Variants in SPACA7 observed in about 807,000 individuals in gnomAD.
SPACA7 encodes sperm acrosome-associated protein 7.
In SPACA7, 19 loss-of-function variants were observed where a neutral mutation model predicts 26.3. The ratio of observed to expected loss-of-function variants is 0.72; its 90% CI spans 0.50 to 1.06. The LOEUF (loss-of-function observed/expected upper bound fraction) is 1.06, where lower values mean the gene tolerates loss of function less well. Ranked by LOEUF, SPACA7 falls within the 50% of genes least tolerant of loss-of-function variation. The pLI is 0.00. For missense variants in SPACA7, 211 were observed against 229.9 expected, an observed-to-expected ratio of 0.92 and a Z score of 0.53; for synonymous variants, 84 against 84.5, an observed-to-expected ratio of 0.99 and a Z score of 0.04.
chr13:112,411,197 G>C (rs886318749), intron 5 of SPACA7, among the ~76,000 whole-genome samples: 11 of 151,088 alleles, frequency 7.3e-5, no homozygotes, highest in African/African-American at 2.7e-4. Flanking sequence ...GGGTATTTAA[G>C]AAAGTTTATA....
intron 5 of SPACA7, among the ~76,000 whole-genome samples, chr13:112,425,230 G>C (rs779937604): frequency 2.0e-5 from 3 of 152,196 alleles, no homozygotes; most frequent in Non-Finnish European, 4.4e-5. Flanking sequence ...CATTGCAATA[G>C]AAACAGATGT....
At chr13:112,422,981 T>C (rs746883101) in intron 5 of SPACA7, among the ~76,000 whole-genome samples, 8 of 152,220 alleles carry the variant, frequency 5.3e-5, no homozygotes, top group Non-Finnish European at 1.2e-4. Context: ...AAGAACAATG[T>C]TAACATTACA....
rs576055859 is a variant in SPACA7 at position 112,413,821 on chromosome 13, C to T, written c.445+12657C>T. The stretch of plus-strand genomic sequence containing the variant: ...TAAGTATTAGTCCCTTTTGTGTTGC[C>T]ATAATGGGATACCTGAGGCTGGGTA... On this transcript the variant is annotated intron_variant, in intron 5 of 6. Transcript: ENST00000283550. Among the ~76,000 whole-genome samples, 10 of 152,146 alleles carry T rather than the reference C, an allele frequency of 6.6e-5. No homozygotes were observed. The South Asian group carries it at 1.9e-3, about 29-fold the overall frequency.
chr13:112,392,891 C>G, intron 1 of SPACA7, 130 bp from the exon 2 acceptor site: 2 of 630,140 alleles, frequency 3.2e-6, no homozygotes, highest in Non-Finnish European at 5.3e-6. Flanking sequence ...GCAGGAGAGA[C>G]TGGAACTTGG....
intron 1 of SPACA7, among the ~76,000 whole-genome samples, chr13:112,389,712 GA>G (rs775130272): frequency 1.3e-5 from 2 of 152,192 alleles, no homozygotes; most frequent in South Asian, 2.1e-4. Flanking sequence ...TGAAAACAGT[GA>G]TTGTATGGCT....
At chr13:112,378,194 G>A (rs887031669) in intron 1 of SPACA7, among the ~76,000 whole-genome samples, 7 of 152,148 alleles carry the variant, frequency 4.6e-5, no homozygotes, top group Non-Finnish European at 8.8e-5. Context: ...ATGTTAGCCT[G>A]GGAACATTGA....
chr13:112,433,878 T>C (rs891627549), intron 6 of SPACA7, among the ~76,000 whole-genome samples: 3 of 152,186 alleles, frequency 2.0e-5, no homozygotes. Context: ...CAGGACAACC[T>C]CTGCTGCTTT....
chr13:112,395,232 G>C (rs1015784927), intron 2 of SPACA7, among the ~76,000 whole-genome samples: 1 of 152,238 alleles, frequency 6.6e-6, no homozygotes. Context: ...GGCGGTGAGG[G>C]GTTGGTGAGG....
chr13:112,394,445 G>A (rs1266896032), intron 2 of SPACA7, among the ~76,000 whole-genome samples: 1 of 151,698 alleles, frequency 6.6e-6, no homozygotes, highest in Non-Finnish European at 1.5e-5. Context: ...CCGTGGGAAC[G>A]CAGGGCCCCC....
chr13:112,420,276 GTTGGAACT>G, intron 5 of SPACA7, among the ~76,000 whole-genome samples: 1 of 150,918 alleles, frequency 6.6e-6, no homozygotes, highest in Non-Finnish European at 1.5e-5. Context: ...TGTCCCAGAT[GTTGGAACT>G]ATCAGACAAT....
At chr13:112,428,339 G>C (rs1159943518) in intron 5 of SPACA7, among the ~76,000 whole-genome samples, 1 of 152,134 alleles carries the variant, frequency 6.6e-6, no homozygotes, top group African/African-American at 2.4e-5. Context: ...CAGCACTTTG[G>C]GAGGCCAAGG....
rs200238850 is a variant in SPACA7 at position 112,432,539 on chromosome 13, G to C, written c.523+18G>C. The C allele has an allele frequency of 2.0e-6, 3 of 1,534,744 alleles. No individual in the cohort carries two copies. Among genetic ancestry groups the C allele is most frequent in the African/African-American group, 2.7e-5 (2 of 73,300 alleles). On this transcript the variant is annotated intron_variant, in intron 6 of 6. Coordinates refer to ENST00000283550, the MANE Select transcript of SPACA7 (RefSeq NM_145248.5). ...ATCTTCAGGTAGATTGGAAATAATA[G>C]ATAAGTGTCTTCTCATTTGGGGATT...
chr13:112,406,773 G>T (rs948327231), intron 5 of SPACA7, among the ~76,000 whole-genome samples: 1 of 152,074 alleles, frequency 6.6e-6, no homozygotes, highest in Non-Finnish European at 1.5e-5. Context: ...AAAATTATGT[G>T]GATTGTGTTA....
chr13:112,415,278 C>T (rs988043816), intron 5 of SPACA7, among the ~76,000 whole-genome samples: 10 of 152,172 alleles, frequency 6.6e-5, no homozygotes, highest in African/African-American at 1.7e-4. Flanking sequence ...CACCCAAAGT[C>T]CCACAGCTGC....
At chr13:112,418,102 G>A (rs756196369) in intron 5 of SPACA7, among the ~76,000 whole-genome samples, 6 of 152,092 alleles carry the variant, frequency 3.9e-5, no homozygotes. Flanking sequence ...TTACTTATTT[G>A]TGTTTGCCAA....
At chr13:112,425,677 T>TGA (rs149310995) in intron 5 of SPACA7, among the ~76,000 whole-genome samples, 7 of 151,596 alleles carry the variant, frequency 4.6e-5, no homozygotes, top group South Asian at 2.1e-4. Flanking sequence ...AGAAGATGTG[T>TGA]GAGAGAGAGA....
intron 5 of SPACA7, among the ~76,000 whole-genome samples, chr13:112,412,228 T>A (rs548497798): frequency 6.6e-6 from 1 of 152,326 alleles, no homozygotes; most frequent in African/African-American, 2.4e-5. Flanking sequence ...TGTTGGCCAC[T>A]TGTATGGCTT....
intron 5 of SPACA7, among the ~76,000 whole-genome samples, chr13:112,426,489 A>G (rs1566489487): frequency 3.3e-5 from 5 of 152,244 alleles, no homozygotes; most frequent in South Asian, 2.1e-4. Flanking sequence ...TCTATAGATC[A>G]ATTTGGTAAG....
rs1234571310 is a variant in SPACA7 at position 112,395,944 on chromosome 13, C to T, written c.152-2105C>T. Among the ~76,000 whole-genome samples, 9 of 151,950 alleles carry T rather than the reference C, an allele frequency of 5.9e-5. No homozygotes were observed. The East Asian group carries it at 7.7e-4, about 13-fold the overall frequency. ...TTTTTCTAGCCCTGACCAATCTCCCCGAGGGTAGGGAGGCCCGTGGAAGGG... is the reference window on the plus strand; with the variant it reads ...TTTTTCTAGCCCTGACCAATCTCCCTGAGGGTAGGGAGGCCCGTGGAAGGG... On this transcript the variant is annotated intron_variant, in intron 2 of 6. Transcript: ENST00000283550.
Sources: allele counts gnomAD v4.1 joint callset (sites outside exome capture counted in the v4.1 genomes callset), GRCh38; gene constraint gnomAD v4.1.1; transcripts MANE v1.5; gene names NCBI Gene and HGNC (gene_info 2026-07-23, HGNC 2026-07-21).